Variants in MTUS2 observed in about 807,000 individuals in gnomAD.
MTUS2 encodes the protein microtubule associated scaffold protein 2, also known as microtubule-associated tumor suppressor candidate 2.
In MTUS2, 40 loss-of-function variants were observed where a neutral mutation model predicts 114.1. The ratio of observed to expected loss-of-function variants is 0.35; its 90% confidence interval spans 0.27 to 0.46. The LOEUF (loss-of-function observed/expected upper bound fraction) is 0.46. MTUS2 is among the 20% of genes least tolerant of loss of function. MTUS2 has a pLI of 1.00. For missense variants in MTUS2, 1,679 were observed against 1,705.4 expected (o/e 0.98, Z 0.27); for synonymous variants, 688 against 672.0 (o/e 1.02, Z -0.37).
chr13:29,439,844 G>A (rs1269103052), intron 8 of MTUS2, 139 bp from the exon 9 acceptor site: 2 of 717,658 alleles, frequency 2.8e-6, no homozygotes, highest in African/African-American at 1.8e-5. Flanking sequence ...GTTTTTACAT[G>A]CTTATATAAT....
At position 28,899,284 on chromosome 13, in the gene MTUS2, T is replaced by C. The variant is rs373239200; in HGVS notation, c.-243+59434T>C. Among the ~76,000 whole-genome samples the C allele has an allele frequency of 1.9e-3, 286 of 152,352 alleles. 2 individuals are homozygous for C. Among genetic ancestry groups the C allele is most frequent in the African/African-American group, 6.7e-3 (279 of 41,580 alleles). On this transcript the variant is annotated intron_variant, in intron 2 of 15. Coordinates refer to ENST00000612955, the MANE Select transcript of MTUS2 (RefSeq NM_001033602.4). ...AGCCAAAAGATTTCTCTGTATATCG[T>C]GAACTGTAACCTAAATGAACTTGTA...
rs149716653 is a variant in MTUS2 at position 29,140,498 on chromosome 13, G to A, written c.2644+39528G>A. On this transcript the variant is annotated intron_variant, in intron 5 of 15. Transcript: ENST00000612955. ...AGAACAGAAATCAGTGCTAAATGCCGCAGTTATTTCTGGAATGTCTTCCTG... is the reference window on the plus strand; with the variant it reads ...AGAACAGAAATCAGTGCTAAATGCCACAGTTATTTCTGGAATGTCTTCCTG... Among the ~76,000 whole-genome samples the A allele has an allele frequency of 7.2e-5, 11 of 152,296 alleles. No individual in the cohort carries two copies. The South Asian group carries it at 1.9e-3, about 26-fold the overall frequency.
Position 29,359,449 on chromosome 13 carries a change from G to T in MTUS2, c.3093G>T (p.Val1031=), listed in dbSNP as rs1315529614. The T allele has an allele frequency of 6.2e-7, 1 of 1,611,664 alleles. No individual in the cohort carries two copies. Among genetic ancestry groups the T allele is most frequent in the Non-Finnish European group, 8.5e-7 (1 of 1,179,340 alleles). ...RAICGFDALA[V]ATQHFFRKNE... The stretch of plus-strand genomic sequence containing the variant: ...TCTGCGGCTTTGATGCCCTCGCCGT[G>T]GCCACGCAGCATTTCTTTAGAAAGG... Residue 1031 remains valine (V), a synonymous_variant, in exon 8 of 16, where the codon GTG becomes GTT. Coordinates refer to ENST00000612955, the MANE Select transcript of MTUS2 (RefSeq NM_001033602.4).
chr13:29,427,848 A>G (rs1240992229), intron 8 of MTUS2, among the ~76,000 whole-genome samples: 1 of 152,230 alleles, frequency 6.6e-6, no homozygotes, highest in East Asian at 1.9e-4. Context: ...TATAAAATCA[A>G]TCATGTAAAT....
intron 5 of MTUS2, among the ~76,000 whole-genome samples, chr13:29,165,348 G>A (rs1049374291): frequency 6.6e-6 from 1 of 152,068 alleles, no homozygotes; most frequent in Non-Finnish European, 1.5e-5. Flanking sequence ...CTCACCACAC[G>A]TAACACCCTC....
chr13:29,316,223 C>T (rs1471383704), intron 6 of MTUS2, among the ~76,000 whole-genome samples: 1 of 152,178 alleles, frequency 6.6e-6, no homozygotes, highest in Non-Finnish European at 1.5e-5. Context: ...TGAAGGAGAC[C>T]TCCTGACCAG....
At chr13:28,923,911 C>A (rs1252786718) in intron 2 of MTUS2, among the ~76,000 whole-genome samples, 1 of 152,018 alleles carries the variant, frequency 6.6e-6, no homozygotes, top group African/African-American at 2.4e-5. Flanking sequence ...GGTAGAATTC[C>A]CCTTGTTAGA....
intron 9 of MTUS2, among the ~76,000 whole-genome samples, chr13:29,452,447 A>G (rs748965807): frequency 7.9e-5 from 12 of 152,024 alleles, no homozygotes; most frequent in Non-Finnish European, 1.3e-4. Flanking sequence ...TTGCTCTGTC[A>G]CCTAGGCTGG....
intron 7 of MTUS2, among the ~76,000 whole-genome samples, chr13:29,351,406 ACAAGC>A (rs1869256834): frequency 6.6e-6 from 1 of 152,002 alleles, no homozygotes; most frequent in South Asian, 2.1e-4. Flanking sequence ...CCAAAACAAA[ACAAGC>A]CATAACAACA....
At chr13:29,148,679 C>T (rs370752274) in intron 5 of MTUS2, among the ~76,000 whole-genome samples, 1,219 of 79,978 alleles carry the variant, frequency 0.015, 120 homozygotes, top group African/African-American at 0.034. Context: ...GGGGTTTCAC[C>T]GTTTTAGCCG....
intron 7 of MTUS2, among the ~76,000 whole-genome samples, chr13:29,326,588 G>A (rs1003960726): frequency 4.5e-4 from 68 of 152,204 alleles, no homozygotes; most frequent in African/African-American, 1.6e-3. Context: ...CCAGGAGGGA[G>A]ATGAGAGAAA....
At chr13:29,441,748 C>T (rs1877892877) in intron 9 of MTUS2, among the ~76,000 whole-genome samples, 1 of 152,168 alleles carries the variant, frequency 6.6e-6, no homozygotes, top group Non-Finnish European at 1.5e-5. Flanking sequence ...ATGTGATTGG[C>T]TGCCCTCCCG....
intron 8 of MTUS2, among the ~76,000 whole-genome samples, chr13:29,391,695 GATAAA>G (rs1873488338): frequency 6.6e-6 from 1 of 150,672 alleles, no homozygotes; most frequent in Admixed American, 6.6e-5. Flanking sequence ...GTAAATAAAT[GATAAA>G]ATAAGTAAAT....
chr13:29,130,604 A>G (rs1330463096), intron 5 of MTUS2, among the ~76,000 whole-genome samples: 1 of 151,928 alleles, frequency 6.6e-6, no homozygotes, highest in African/African-American at 2.4e-5. Flanking sequence ...TGTGTATTCA[A>G]TTTCTACACA....
chr13:29,168,204 C>G (rs1271535550), intron 5 of MTUS2, among the ~76,000 whole-genome samples: 1 of 152,164 alleles, frequency 6.6e-6, no homozygotes, highest in African/African-American at 2.4e-5. Flanking sequence ...GGTTATTAAA[C>G]AAGAAACTGC....
intron 5 of MTUS2, among the ~76,000 whole-genome samples, chr13:29,161,621 G>T (rs1893101313): frequency 6.6e-6 from 1 of 152,122 alleles, no homozygotes; most frequent in Non-Finnish European, 1.5e-5. Context: ...CTCTATGAAA[G>T]CATTGTCTAT....
chr13:28,945,179 T>TTATA (rs33929048), intron 2 of MTUS2, among the ~76,000 whole-genome samples: 1,634 of 146,582 alleles, frequency 0.011, 30 homozygotes, highest in Admixed American at 0.037. Context: ...TAGTATTCCA[T>TTATA]TATATATATA....
At chr13:28,882,418 G>A (rs190089719) in intron 2 of MTUS2, among the ~76,000 whole-genome samples, 6 of 151,944 alleles carry the variant, frequency 3.9e-5, no homozygotes, top group Admixed American at 3.9e-4. Context: ...CGAAAGCATG[G>A]CCCATAAAGG....
chr13:29,370,553 A>T (rs1034821269), intron 8 of MTUS2, among the ~76,000 whole-genome samples: 4 of 152,108 alleles, frequency 2.6e-5, no homozygotes, highest in Non-Finnish European at 5.9e-5. Flanking sequence ...CTCTTGATAT[A>T]TTTGGCTCCT....
Sources: gnomAD v4.1 joint callset for allele counts (sites outside exome capture counted in the v4.1 genomes callset) on GRCh38, gnomAD v4.1.1 for gene constraint, MANE v1.5 for transcripts, NCBI Gene and HGNC (gene_info 2026-07-23, HGNC 2026-07-21) for gene names.